The following TACR3 variants were observed in gnomAD, a reference collection of about 807,000 sequenced individuals.
The protein encoded by TACR3 is neuromedin-K receptor.
In TACR3, 34 loss-of-function variants were observed where a neutral mutation model predicts 35.0. The ratio of observed to expected loss-of-function variants is 0.97; its 90% CI spans 0.74 to 1.30. The LOEUF (loss-of-function observed/expected upper bound fraction) is 1.30, where lower values mean the gene tolerates loss of function less well. Ranked by LOEUF, TACR3 falls within the 50% of genes most tolerant of loss-of-function variation. The pLI is 0.00. For missense variants in TACR3, 558 were observed against 591.7 expected (o/e 0.94, Z 0.59); for synonymous variants, 233 against 221.1 (o/e 1.05, Z -0.48).
At chr4:103,713,534 AT>A (rs1485001700) in intron 1 of TACR3, among the ~76,000 whole-genome samples, 3 of 151,552 alleles carry the variant, frequency 2.0e-5, no homozygotes, top group Non-Finnish European at 4.4e-5. Context: ...TGACGAGTTA[AT>A]GGGTGCAGCA....
chr4:103,631,911 T>C lies in TACR3; in HGVS notation c.888+24283A>G, dbSNP rs1241517810. On this transcript the variant is annotated intron_variant, in intron 3 of 4. Coordinates refer to ENST00000304883, the MANE Select transcript of TACR3 (RefSeq NM_001059.3). ...CTTTCCTTTTTCTAACCAAGTATCA[T>C]TTCAATTCAACCTATTTTTGATTTA... is the stretch of plus-strand genomic sequence containing the variant. Among the ~76,000 whole-genome samples the C allele has an allele frequency of 2.6e-5, 4 of 152,348 alleles. No homozygotes were observed. The East Asian group carries it at 7.7e-4, about 29-fold the overall frequency.
At chr4:103,634,735 A>T (rs1725141126) in intron 3 of TACR3, among the ~76,000 whole-genome samples, 1 of 152,114 alleles carries the variant, frequency 6.6e-6, no homozygotes, top group South Asian at 2.1e-4. Context: ...CTTAGCAATT[A>T]ATCTTAAAAC....
At chr4:103,600,423 T>C (rs59723424) in intron 3 of TACR3, among the ~76,000 whole-genome samples, 5,263 of 152,256 alleles carry the variant, frequency 0.035, 333 homozygotes, top group African/African-American at 0.12. Flanking sequence ...CCTGGATTCA[T>C]TAATCTTTTG....
chr4:103,711,108 T>C (rs1275980372), intron 1 of TACR3, among the ~76,000 whole-genome samples: 2 of 151,972 alleles, frequency 1.3e-5, no homozygotes, highest in South Asian at 2.1e-4. Flanking sequence ...TTCCAACCAG[T>C]AGAAAAAGAG....
intron 4 of TACR3, among the ~76,000 whole-genome samples, chr4:103,590,472 A>G (rs1578215453): frequency 1.3e-5 from 2 of 152,298 alleles, no homozygotes; most frequent in Admixed American, 1.3e-4. Context: ...GATGATTTTT[A>G]TCTAATTATA....
intron 3 of TACR3, among the ~76,000 whole-genome samples, chr4:103,641,808 A>T (rs1449236247): frequency 1.3e-5 from 2 of 151,982 alleles, no homozygotes; most frequent in African/African-American, 4.8e-5. Flanking sequence ...AAAGAAGGAG[A>T]TTCTGCCATT....
intron 3 of TACR3, among the ~76,000 whole-genome samples, chr4:103,607,105 A>G (rs913229653): frequency 7.2e-5 from 11 of 152,194 alleles, no homozygotes; most frequent in Non-Finnish European, 1.5e-4. Flanking sequence ...AATGTAATCC[A>G]GCATATAAAC....
rs1243250707 is a variant in TACR3, at chr4:103,589,628, C to T, written c.*54G>A. ...GGACTGGTAAATAGGAGAATGGGGTCCTAGACTGGCACCATGATGGTCTCA... is the reference window on the plus strand; with the variant it reads ...GGACTGGTAAATAGGAGAATGGGGTTCTAGACTGGCACCATGATGGTCTCA... On this transcript the variant is annotated 3_prime_UTR_variant, in exon 5 of 5. Transcript: ENST00000304883. 2 of 1,604,174 alleles carry T rather than the reference C, an allele frequency of 1.2e-6. No individual in the cohort carries two copies. Among genetic ancestry groups the T allele is most frequent in the African/African-American group, 2.7e-5 (2 of 74,688 alleles).
At chr4:103,602,436 G>A (rs1015769246) in intron 3 of TACR3, among the ~76,000 whole-genome samples, 4 of 151,898 alleles carry the variant, frequency 2.6e-5, no homozygotes, top group African/African-American at 9.7e-5. Flanking sequence ...GAGGAGCTGT[G>A]TTCCTTTGGA....
intron 1 of TACR3, among the ~76,000 whole-genome samples, chr4:103,709,300 C>T (rs1046706054): frequency 5.9e-5 from 9 of 152,146 alleles, no homozygotes; most frequent in Admixed American, 1.3e-4. Context: ...AGACTAACAG[C>T]GGATCTCTTG....
At chr4:103,683,166 T>C (rs961281495) in intron 1 of TACR3, among the ~76,000 whole-genome samples, 6 of 151,862 alleles carry the variant, frequency 4.0e-5, no homozygotes. Flanking sequence ...AGAATGAAAA[T>C]GTAAATACAA....
chr4:103,681,541 G>T (rs1044805305), intron 1 of TACR3, among the ~76,000 whole-genome samples: 1 of 152,148 alleles, frequency 6.6e-6, no homozygotes, highest in Non-Finnish European at 1.5e-5. Context: ...CTTGTTTAAT[G>T]CTTAAAGGAT....
At position 103,586,935 on chromosome 4, in the gene TACR3, A is replaced by T. The variant is rs1245770211; in HGVS notation, c.*2747T>A. Reference sequence around the variant, plus strand: ...ACTTACAATGATGTAAGCCTTTTTGATTCTTTCATATTTGTTTAAAAATAT... The same window carrying T: ...ACTTACAATGATGTAAGCCTTTTTGTTTCTTTCATATTTGTTTAAAAATAT... On this transcript the variant is annotated 3_prime_UTR_variant, in exon 5 of 5. Coordinates refer to ENST00000304883, the MANE Select transcript of TACR3 (RefSeq NM_001059.3). 1 of 152,010 alleles carries T rather than the reference A, an allele frequency of 6.6e-6. No homozygotes were observed. The highest frequency in any genetic ancestry group is 2.4e-5 in the African/African-American group (1 of 41,386). The allele number at this position is 152,010 out of a possible 1,614,324, so 9.4% of individuals were successfully genotyped here.
At chr4:103,627,181 C>CAAAAAAAAAAAA (rs33988758) in intron 3 of TACR3, among the ~76,000 whole-genome samples, 1 of 24,704 alleles carries the variant, frequency 4.0e-5, no homozygotes, top group African/African-American at 1.5e-4. Context: ...GACTCCGTCT[C>CAAAAAAAAAAAA]AAAAAAAAAA....
intron 3 of TACR3, among the ~76,000 whole-genome samples, chr4:103,629,336 G>C (rs1448513620): frequency 2.6e-5 from 4 of 152,116 alleles, no homozygotes; most frequent in Non-Finnish European, 5.9e-5. Flanking sequence ...ATTAGGAAAA[G>C]AGGAAGCCAA....
At chr4:103,665,393 A>G (rs1472758783) in intron 1 of TACR3, among the ~76,000 whole-genome samples, 1 of 151,970 alleles carries the variant, frequency 6.6e-6, no homozygotes, top group Admixed American at 6.6e-5. Flanking sequence ...AAATGTATAT[A>G]CTGATATTTG....
intron 3 of TACR3, among the ~76,000 whole-genome samples, chr4:103,604,004 A>G (rs935997345): frequency 6.6e-6 from 1 of 152,214 alleles, no homozygotes; most frequent in African/African-American, 2.4e-5. Flanking sequence ...CCCATCAACT[A>G]CCATTGACTT....
At chr4:103,605,884 C>T (rs1369640163) in intron 3 of TACR3, among the ~76,000 whole-genome samples, 2 of 152,172 alleles carry the variant, frequency 1.3e-5, no homozygotes, top group Non-Finnish European at 2.9e-5. Context: ...GTGTTTTAGA[C>T]ATGAAGTCCT....
intron 1 of TACR3, among the ~76,000 whole-genome samples, chr4:103,716,734 A>G (rs1205111927): frequency 1.3e-5 from 2 of 152,208 alleles, no homozygotes; most frequent in Non-Finnish European, 2.9e-5. Flanking sequence ...TTTTGATTTT[A>G]GGCACAGGAA....
Sources: allele counts gnomAD v4.1 joint callset (sites outside exome capture counted in the v4.1 genomes callset), GRCh38; gene constraint gnomAD v4.1.1; transcripts MANE v1.5; gene names NCBI Gene and HGNC (gene_info 2026-07-23, HGNC 2026-07-21).